MYO1D: variants seen among roughly 807,000 people sequenced by gnomAD.
The protein encoded by MYO1D is unconventional myosin-Id.
In MYO1D, 83 loss-of-function variants were observed where a neutral mutation model predicts 122.0. The observed-to-expected ratio is 0.68, with a 90% CI of 0.57 to 0.82. The LOEUF (loss-of-function observed/expected upper bound fraction) is 0.82, where lower values mean the gene tolerates loss of function less well. Ranked by LOEUF, MYO1D falls within the 40% of genes least tolerant of loss-of-function variation. The probability of loss-of-function intolerance (pLI) is 0.00; values close to 1 mark genes in which losing one functional copy is unlikely to be tolerated. For synonymous variants in MYO1D, 464 were observed against 446.9 expected (o/e 1.04, Z -0.48); for missense variants, 1,157 against 1,269.5 (o/e 0.91, Z 1.35).
At chr17:32,683,366 C>T (rs2088951578) in intron 16 of MYO1D, among the ~76,000 whole-genome samples, 1 of 152,130 alleles carries the variant, frequency 6.6e-6, no homozygotes, top group South Asian at 2.1e-4. Context: ...TGTTTTTTCC[C>T]CATCTTTGTG....
intron 21 of MYO1D, chr17:32,523,528 G>GAAGTCTCCTGTGGAGA (rs1910230133): frequency 6.6e-6 from 1 of 152,128 alleles, no homozygotes; most frequent in Non-Finnish European, 1.5e-5. Flanking sequence ...CTCTCCACAG[G>GAAGTCTCCTGTGGAGA]AGACTTAGAA....
At chr17:32,874,007 T>C (rs1046147607) in intron 1 of MYO1D, among the ~76,000 whole-genome samples, 1 of 152,186 alleles carries the variant, frequency 6.6e-6, no homozygotes, top group Non-Finnish European at 1.5e-5. Context: ...TCAGCTTTCA[T>C]GCCGCCAACC....
intron 1 of MYO1D, among the ~76,000 whole-genome samples, chr17:32,842,427 T>C (rs2090891785): frequency 1.3e-5 from 2 of 152,170 alleles, no homozygotes; most frequent in Non-Finnish European, 1.5e-5. Context: ...ACTGGATTAA[T>C]GGGGTTTCTG....
At chr17:32,832,347 C>A (rs112378914) in intron 1 of MYO1D, among the ~76,000 whole-genome samples, 2,863 of 150,630 alleles carry the variant, frequency 0.019, 75 homozygotes, top group African/African-American at 0.066. Context: ...GTCACCCAGG[C>A]TGAAGTGCAG....
At chr17:32,552,423 T>TCCATCCATCCATCCAC (rs2087024953) in intron 21 of MYO1D, among the ~76,000 whole-genome samples, 1 of 116,208 alleles carries the variant, frequency 8.6e-6, no homozygotes, top group Non-Finnish European at 1.8e-5. Flanking sequence ...CATCCACCCA[T>TCCATCCATCCATCCAC]CCATCCATCC....
chr17:32,754,612 C>A (rs2089928635), intron 11 of MYO1D, among the ~76,000 whole-genome samples: 1 of 152,142 alleles, frequency 6.6e-6, no homozygotes, highest in Non-Finnish European at 1.5e-5. Flanking sequence ...AGACTTTATT[C>A]ACACTAAAAA....
intron 1 of MYO1D, among the ~76,000 whole-genome samples, chr17:32,836,071 A>G (rs977409498): frequency 6.6e-6 from 1 of 152,320 alleles, no homozygotes; most frequent in South Asian, 2.1e-4. Flanking sequence ...CACTGCATAT[A>G]TTTTGGTAAA....
Position 32,742,848 on chromosome 17 carries a change from A to G in MYO1D, c.1613+2363T>C, listed in dbSNP as rs2089788196. 2.0e-5 allele frequency among the ~76,000 whole-genome samples: 3 copies of G among 152,150 alleles called. No homozygotes were observed. The South Asian group carries it at 6.2e-4, about 32-fold the overall frequency. Reference sequence around the variant, plus strand: ...ATTCTTGAAAGAACAGTTTAAACACAATGTCTCTATATTCTCATTTCCTGT... The same window carrying G: ...ATTCTTGAAAGAACAGTTTAAACACGATGTCTCTATATTCTCATTTCCTGT... On this transcript the variant is annotated intron_variant, in intron 13 of 21. Coordinates refer to ENST00000318217, the MANE Select transcript of MYO1D (RefSeq NM_015194.3).
intron 1 of MYO1D, among the ~76,000 whole-genome samples, chr17:32,797,115 C>A (rs1205401299): frequency 1.3e-5 from 2 of 152,222 alleles, no homozygotes; most frequent in African/African-American, 4.8e-5. Context: ...GGATTACAGG[C>A]ATCTGCCACC....
At position 32,494,809 on chromosome 17, in the gene MYO1D, C is replaced by G. The variant is rs147027471; in HGVS notation, c.2971G>C (p.Asp991His). 1 of 1,613,278 alleles carries G rather than the reference C, an allele frequency of 6.2e-7. No homozygotes were observed. The highest frequency in any genetic ancestry group is 8.5e-7 in the Non-Finnish European group (1 of 1,179,646). ...AAGCCCGAGCGATTCTTGGTGAAGT[C>G]GGGCTGGGGCTGGTTGAGCCGCGTC... Reference protein sequence around the residue: ...VETRLNQPQPDFTKNRSGFIL... With the variant: ...VETRLNQPQPHFTKNRSGFIL... The change falls in exon 22 of 22, where the codon GAC (aspartate) becomes CAC (histidine). Residue 991 changes from aspartate (D) to histidine (H), a missense_variant. Asp to His is a moderately conservative substitution (Grantham distance 81). Coordinates refer to ENST00000318217, the MANE Select transcript of MYO1D (RefSeq NM_015194.3).
intron 16 of MYO1D, among the ~76,000 whole-genome samples, chr17:32,675,168 G>A (rs1381674656): frequency 6.6e-6 from 1 of 152,170 alleles, no homozygotes; most frequent in African/African-American, 2.4e-5. Context: ...TGTTATTTGG[G>A]TGCATGGTTT....
At chr17:32,857,822 G>A (rs553188421) in intron 1 of MYO1D, among the ~76,000 whole-genome samples, 2 of 152,042 alleles carry the variant, frequency 1.3e-5, no homozygotes, top group Non-Finnish European at 2.9e-5. Context: ...CTCCACATGT[G>A]AACTGTAGAA....
chr17:32,578,715 T>G (rs1413471217), intron 21 of MYO1D, among the ~76,000 whole-genome samples: 2 of 152,246 alleles, frequency 1.3e-5, no homozygotes, highest in African/African-American at 4.8e-5. Flanking sequence ...GGGACTGCTC[T>G]AGGGCTAGGT....
chr17:32,560,713 G>A (rs925339741), intron 21 of MYO1D, among the ~76,000 whole-genome samples: 13 of 150,578 alleles, frequency 8.6e-5, no homozygotes, highest in Non-Finnish European at 1.8e-4. Flanking sequence ...TCCGCCTCTC[G>A]GGTTCAAGTG....
intron 14 of MYO1D, among the ~76,000 whole-genome samples, chr17:32,731,239 T>C (rs1297664584): frequency 6.6e-6 from 1 of 152,240 alleles, no homozygotes; most frequent in Non-Finnish European, 1.5e-5. Context: ...GTTTCATTTC[T>C]TAGTCTAAGT....
intron 1 of MYO1D, chr17:32,792,361 A>G (rs1303439918): frequency 6.6e-6 from 1 of 152,210 alleles, no homozygotes; most frequent in Non-Finnish European, 1.5e-5. Context: ...ATACTGGCCT[A>G]TTTAGAAAGG....
intron 5 of MYO1D, 127 bp from the exon 6 acceptor site, chr17:32,771,347 G>A (rs1347589029): frequency 3.3e-6 from 2 of 614,856 alleles, no homozygotes; most frequent in Non-Finnish European, 5.4e-6. Flanking sequence ...TTCTAGCTTT[G>A]AAGTTTTGCT....
At chr17:32,535,962 A>C (rs1910652029) in intron 21 of MYO1D, among the ~76,000 whole-genome samples, 1 of 152,244 alleles carries the variant, frequency 6.6e-6, no homozygotes, top group Admixed American at 6.5e-5. Flanking sequence ...GAGGCAGCGC[A>C]TAGCTGCAGA....
At position 32,654,711 on chromosome 17, in the gene MYO1D, C is replaced by T. The variant is rs2150950799; in HGVS notation, c.2346-90G>A. 5 of 1,254,378 alleles carry T rather than the reference C, an allele frequency of 4.0e-6. No individual in the cohort carries two copies. The East Asian group carries it at 1.4e-4, about 35-fold the overall frequency. 77.7% of individuals were successfully genotyped at this position (1,254,378 alleles called of 1,614,324 possible). Reference sequence around the variant, plus strand: ...TTTTTTTTTTCTTTTTTGAGTCTCCCTCCATCTCCCAGGCTGGAGTGCATG... The same window carrying T: ...TTTTTTTTTTCTTTTTTGAGTCTCCTTCCATCTCCCAGGCTGGAGTGCATG... On this transcript the variant is annotated intron_variant, in intron 17 of 21. Coordinates refer to ENST00000318217, the MANE Select transcript of MYO1D (RefSeq NM_015194.3).
Sources: allele counts gnomAD v4.1 joint callset (sites outside exome capture counted in the v4.1 genomes callset), GRCh38; gene constraint gnomAD v4.1.1; transcripts MANE v1.5; gene names NCBI Gene and HGNC (gene_info 2026-07-23, HGNC 2026-07-21).